The following EML4 variants were observed in gnomAD, a reference collection of about 807,000 sequenced individuals.
EML4 encodes echinoderm microtubule-associated protein-like 4.
Under a neutral mutation model 129.0 loss-of-function variants are expected in EML4, and 72 were observed. That is an observed-to-expected ratio of 0.56 (90% CI 0.46 to 0.68). The LOEUF is 0.68. EML4 is among the 30% of genes least tolerant of loss of function. EML4 has a pLI of 0.00. For missense variants in EML4, 1,363 were observed against 1,190.6 expected (o/e 1.14, Z -2.13); for synonymous variants, 532 against 405.0 (o/e 1.31, Z -3.77).
intron 18 of EML4, among the ~76,000 whole-genome samples, 194 bp downstream of exon 18, chr2:42,316,244 T>C (rs1669239052): frequency 6.6e-6 from 1 of 152,244 alleles, no homozygotes; most frequent in Admixed American, 6.5e-5. Flanking sequence ...TTAAACAACA[T>C]TCTGAATCAT....
intron 8 of EML4, 37 bp downstream of exon 8, chr2:42,283,009 T>G: frequency 3.9e-6 from 6 of 1,535,170 alleles, no homozygotes; most frequent in Non-Finnish European, 5.3e-6. Flanking sequence ...TTTTGTTCTT[T>G]CAGGCCCTCA....
intron 11 of EML4, chr2:42,289,682 C>T (rs1321882316): frequency 6.6e-6 from 1 of 152,084 alleles, no homozygotes; most frequent in Non-Finnish European, 1.5e-5. Flanking sequence ...TCACTTCTCA[C>T]ATCCAGGTAG....
At chr2:42,233,019 G>A (rs977135712) in intron 1 of EML4, among the ~76,000 whole-genome samples, 23 of 152,274 alleles carry the variant, frequency 1.5e-4, no homozygotes, top group Admixed American at 1.4e-3. Flanking sequence ...GCTGTGCCTG[G>A]CCTGTGAAGG....
At chr2:42,255,328 G>C (rs185978557) in intron 2 of EML4, among the ~76,000 whole-genome samples, 46 of 151,914 alleles carry the variant, frequency 3.0e-4, no homozygotes, top group African/African-American at 8.7e-4. Flanking sequence ...CTCGTGATCC[G>C]CCCACCTCAG....
rs780140930 is a variant in EML4 at position 42,295,524 on chromosome 2, A to G, written c.1489+8A>G. 6.2e-7 allele frequency: 1 copy of G among 1,606,780 alleles called. No individual in the cohort carries two copies. The highest frequency in any genetic ancestry group is 2.2e-5 in the East Asian group (1 of 44,832). On this transcript the variant is annotated splice_region_variant and intron_variant, in intron 13 of 22. Transcript: ENST00000318522. ...CTGGGAAAGGACCTAAAGGTACAGT[A>G]TTCTTATATTAAACTCATTTCTGGT...
intron 11 of EML4, among the ~76,000 whole-genome samples, chr2:42,294,441 A>G (rs1028658513): frequency 6.6e-6 from 1 of 152,228 alleles, no homozygotes; most frequent in Non-Finnish European, 1.5e-5. Flanking sequence ...CATGCCTGTA[A>G]TCCCAGCCCT....
intron 19 of EML4, among the ~76,000 whole-genome samples, chr2:42,324,572 T>C (rs1251820001): frequency 6.6e-6 from 1 of 152,284 alleles, no homozygotes; most frequent in East Asian, 1.9e-4. Flanking sequence ...TGAGCCATGA[T>C]AGCACCATTG....
At chr2:42,284,487 T>C (rs2286704) in intron 8 of EML4, 147 bp from the exon 9 acceptor site, 1 of 498,084 alleles carries the variant, frequency 2.0e-6, no homozygotes, top group Non-Finnish European at 3.5e-6. Flanking sequence ...CTTCAGATAT[T>C]TGATGATTGT....
chr2:42,288,647 T>A (rs987705140), intron 11 of EML4: 1 of 160,478 alleles, frequency 6.2e-6, no homozygotes, highest in African/African-American at 2.4e-5. Flanking sequence ...ACATGTAATT[T>A]CATTCCATCT....
intron 1 of EML4, among the ~76,000 whole-genome samples, chr2:42,173,444 A>T (rs7573216): frequency 6.6e-6 from 1 of 151,992 alleles, no homozygotes. Context: ...TTTTCAACAT[A>T]TGTATGGATT....
rs766514307 is a variant in EML4, at chr2:42,329,974, C to A, written c.2713C>A (p.Pro905Thr). 12 of 1,613,774 alleles carry A rather than the reference C, an allele frequency of 7.4e-6. No homozygotes were observed. The East Asian group carries it at 1.1e-4, about 15-fold the overall frequency. ...SNTPTPPPSQ[P>T]LNETAEEESR... Reference sequence around the variant, plus strand: ...TACTCCCACACCGCCTCCTTCTCAGCCCTTAAATGAGACAGCTGAAGAGGA... The same window carrying A: ...TACTCCCACACCGCCTCCTTCTCAGACCTTAAATGAGACAGCTGAAGAGGA... The change falls in exon 23 of 23, where the codon CCC becomes ACC. Residue 905 changes from proline (P) to threonine (T), a missense_variant. Physicochemically the swap from Pro to Thr is conservative, Grantham distance 38. Coordinates refer to ENST00000318522, the MANE Select transcript of EML4 (RefSeq NM_019063.5).
At chr2:42,325,218 T>G (rs376628473) in intron 19 of EML4, 19 of 568,230 alleles carry the variant, frequency 3.3e-5, no homozygotes, top group Non-Finnish European at 5.5e-5. Flanking sequence ...GAGACTGTCT[T>G]TCTTGGAAGT....
chr2:42,322,135 G>A (rs540121190), intron 19 of EML4, among the ~76,000 whole-genome samples: 2 of 152,218 alleles, frequency 1.3e-5, no homozygotes, highest in Non-Finnish European at 2.9e-5. Context: ...TCCAGGAACA[G>A]ATTTATGTTT....
chr2:42,250,455 G>C (rs1675696341), intron 2 of EML4, among the ~76,000 whole-genome samples: 1 of 152,184 alleles, frequency 6.6e-6, no homozygotes, highest in Non-Finnish European at 1.5e-5. Context: ...TTGCCTTGGT[G>C]GGACCCTTAC....
intron 1 of EML4, among the ~76,000 whole-genome samples, chr2:42,211,163 T>C (rs1051305323): frequency 4.6e-5 from 7 of 152,118 alleles, no homozygotes; most frequent in South Asian, 2.1e-4. Context: ...GTGGAACATA[T>C]AAAAGTATGA....
chr2:42,327,979 G>T (rs193287470), intron 21 of EML4, among the ~76,000 whole-genome samples: 1 of 152,274 alleles, frequency 6.6e-6, no homozygotes, highest in Non-Finnish European at 1.5e-5. Flanking sequence ...TCAAGACAGA[G>T]AAGCCTAATA....
At chr2:42,326,401 G>C in intron 21 of EML4, 149 bp downstream of exon 21, 1 of 586,448 alleles carries the variant, frequency 1.7e-6, no homozygotes, top group Non-Finnish European at 2.9e-6. Context: ...AAATGTATTA[G>C]GATTGAACCA....
chr2:42,234,648 C>G (rs1674545887), intron 1 of EML4, among the ~76,000 whole-genome samples: 2 of 152,162 alleles, frequency 1.3e-5, no homozygotes, highest in South Asian at 4.1e-4. Flanking sequence ...CTTAAAACTA[C>G]TTACTTTATA....
At chr2:42,233,651 A>C (rs923110644) in intron 1 of EML4, among the ~76,000 whole-genome samples, 9 of 152,126 alleles carry the variant, frequency 5.9e-5, no homozygotes, top group African/African-American at 2.2e-4. Context: ...TAATATTTTC[A>C]AACAACTTGG....
Sources: allele counts gnomAD v4.1 joint callset (sites outside exome capture counted in the v4.1 genomes callset), GRCh38; gene constraint gnomAD v4.1.1; transcripts MANE v1.5; gene names NCBI Gene and HGNC (gene_info 2026-07-23, HGNC 2026-07-21).